Variants in MGAT4C observed in about 807,000 individuals in gnomAD.
MGAT4C encodes the protein MGAT4 family member C.
In MGAT4C, 19 loss-of-function variants were observed where a neutral mutation model predicts 40.1. The observed-to-expected ratio is 0.47, with a 90% CI of 0.33 to 0.70. The LOEUF is 0.70. MGAT4C is among the 30% of genes least tolerant of loss of function. The pLI is 0.02. For synonymous variants in MGAT4C, 181 were observed against 187.1 expected (o/e 0.97, Z 0.27); for missense variants, 491 against 563.2 (o/e 0.87, Z 1.30).
chr12:86,070,430 A>C (rs964975963), intron 1 of MGAT4C, among the ~76,000 whole-genome samples: 1 of 152,072 alleles, frequency 6.6e-6, no homozygotes, highest in Non-Finnish European at 1.5e-5. Context: ...TGTTGAAAGA[A>C]TGAATCAACA....
intron 1 of MGAT4C, among the ~76,000 whole-genome samples, chr12:86,114,828 T>G (rs1291755598): frequency 2.6e-5 from 4 of 151,980 alleles, no homozygotes; most frequent in African/African-American, 9.7e-5. Flanking sequence ...ATTATGGTTT[T>G]AAAGATGTTA....
intron 2 of MGAT4C, among the ~76,000 whole-genome samples, chr12:86,715,818 G>A (rs1396665211): frequency 1.3e-5 from 2 of 152,064 alleles, no homozygotes; most frequent in Non-Finnish European, 2.9e-5. Context: ...TTAAAGTTTA[G>A]TAATCATGTT....
intron 1 of MGAT4C, among the ~76,000 whole-genome samples, chr12:86,191,751 G>GTTGTGTGTGTGT (rs1889507994): frequency 1.0e-5 from 1 of 98,466 alleles, no homozygotes; most frequent in Non-Finnish European, 2.0e-5. Context: ...AGGAGATAAA[G>GTTGTGTGTGTGT]GTGTGTGTGT....
intron 2 of MGAT4C, among the ~76,000 whole-genome samples, chr12:86,647,352 C>T (rs193017281): frequency 6.6e-6 from 1 of 151,936 alleles, no homozygotes; most frequent in East Asian, 2.0e-4. Context: ...ATAAATCTAA[C>T]CTAAGCCAAA....
chr12:86,414,542 T>G (rs1358040838), intron 3 of MGAT4C, among the ~76,000 whole-genome samples: 4 of 152,056 alleles, frequency 2.6e-5, no homozygotes, highest in Non-Finnish European at 2.9e-5. Context: ...ATCCCATTTT[T>G]AAAATCTACA....
intron 2 of MGAT4C, among the ~76,000 whole-genome samples, chr12:86,616,472 A>C (rs1166364756): frequency 6.6e-6 from 1 of 152,174 alleles, no homozygotes; most frequent in Non-Finnish European, 1.5e-5. Flanking sequence ...AAGAAAGTGC[A>C]ATAGTGAACG....
intron 1 of MGAT4C, among the ~76,000 whole-genome samples, chr12:86,734,856 A>G (rs892760351): frequency 6.6e-6 from 1 of 152,098 alleles, no homozygotes; most frequent in Non-Finnish European, 1.5e-5. Context: ...ATATGGTAGC[A>G]AAAAGATTAT....
intron 3 of MGAT4C, among the ~76,000 whole-genome samples, chr12:86,363,764 G>A (rs1464269716): frequency 6.6e-6 from 1 of 151,742 alleles, no homozygotes; most frequent in Non-Finnish European, 1.5e-5. Context: ...CAGAAAGAGA[G>A]AAATAGTGAA....
chr12:86,576,084 T>C (rs542609933), intron 2 of MGAT4C, among the ~76,000 whole-genome samples: 6 of 152,012 alleles, frequency 3.9e-5, no homozygotes, highest in Non-Finnish European at 7.4e-5. Context: ...TGACCATTGA[T>C]GCTAAGCATC....
chr12:86,106,959 G>A (rs2135621609), intron 1 of MGAT4C, among the ~76,000 whole-genome samples: 1 of 152,144 alleles, frequency 6.6e-6, no homozygotes, highest in Admixed American at 6.5e-5. Flanking sequence ...GGAGTCCTTG[G>A]CTTCTCCAGA....
intron 1 of MGAT4C, among the ~76,000 whole-genome samples, chr12:86,809,995 A>C (rs1952440971): frequency 6.6e-6 from 1 of 152,024 alleles, no homozygotes; most frequent in African/African-American, 2.4e-5. Flanking sequence ...CAATTCATGA[A>C]CAAAAGTTGT....
At chr12:86,511,328 C>T (rs377366876) in intron 2 of MGAT4C, among the ~76,000 whole-genome samples, 16 of 152,020 alleles carry the variant, frequency 1.1e-4, no homozygotes, top group South Asian at 6.2e-4. Flanking sequence ...ATCTCTGGGA[C>T]GCATTTAATA....
chr12:86,757,071 A>G (rs911272019), intron 1 of MGAT4C, among the ~76,000 whole-genome samples: 20 of 152,142 alleles, frequency 1.3e-4, no homozygotes, highest in Non-Finnish European at 1.0e-4. Flanking sequence ...TTGCAGGGAC[A>G]TGGATGAAGC....
chr12:86,689,290 G>A (rs1360283150), intron 2 of MGAT4C, among the ~76,000 whole-genome samples: 5 of 152,196 alleles, frequency 3.3e-5, no homozygotes, highest in East Asian at 1.9e-4. Context: ...GTTAGAACAC[G>A]CTCCTTTAGC....
chr12:86,496,340 C>A (rs2406159), intron 2 of MGAT4C, among the ~76,000 whole-genome samples: 137,821 of 152,010 alleles, frequency 0.91, 62,640 homozygotes, highest in East Asian at 1. Context: ...TACCCTAGTA[C>A]TTATCTTGCA....
At chr12:86,176,184 C>G (rs1021959480) in intron 1 of MGAT4C, among the ~76,000 whole-genome samples, 1 of 152,088 alleles carries the variant, frequency 6.6e-6, no homozygotes, top group Non-Finnish European at 1.5e-5. Flanking sequence ...AACCTAATCT[C>G]TCATCACTTT....
At chr12:86,730,342 G>A (rs974684290) in intron 1 of MGAT4C, among the ~76,000 whole-genome samples, 27 of 151,746 alleles carry the variant, frequency 1.8e-4, no homozygotes, top group African/African-American at 5.1e-4. Flanking sequence ...TTTAAGGGTA[G>A]GAAATAAAAA....
intron 2 of MGAT4C, among the ~76,000 whole-genome samples, chr12:86,040,429 C>A (rs1040249215): frequency 6.6e-6 from 1 of 152,178 alleles, no homozygotes; most frequent in Non-Finnish European, 1.5e-5. Context: ...AGATGCCCTG[C>A]CCAGAGAGGA....
At chr12:86,378,692 T>TC (rs974657662) in intron 3 of MGAT4C, among the ~76,000 whole-genome samples, 5 of 152,272 alleles carry the variant, frequency 3.3e-5, no homozygotes, top group African/African-American at 1.2e-4. Flanking sequence ...TACAGGGTTT[T>TC]CCCTAGAAGA....
Sources: gnomAD v4.1 joint callset for allele counts (sites outside exome capture counted in the v4.1 genomes callset) on GRCh38, gnomAD v4.1.1 for gene constraint, MANE v1.5 for transcripts, NCBI Gene and HGNC (gene_info 2026-07-23, HGNC 2026-07-21) for gene names.